SNTG1: variants seen among roughly 807,000 people sequenced by gnomAD.
SNTG1 encodes syntrophin gamma 1, also known as gamma-1-syntrophin.
SNTG1 carries 39 observed loss-of-function variants against 74.7 expected under a neutral mutation model. That is an observed-to-expected ratio of 0.52 (90% confidence interval 0.40 to 0.68). The LOEUF is 0.68. SNTG1 is among the 30% of genes least tolerant of loss of function. SNTG1 has a pLI of 0.00. For missense variants in SNTG1, 685 were observed against 609.5 expected, an observed-to-expected ratio of 1.12 and a Z score of -1.30; for synonymous variants, 254 against 217.1, an observed-to-expected ratio of 1.17 and a Z score of -1.49.
chr8:49,974,564 C>T (rs1812013123), intron 1 of SNTG1, among the ~76,000 whole-genome samples: 1 of 152,130 alleles, frequency 6.6e-6, no homozygotes, highest in South Asian at 2.1e-4. Flanking sequence ...CATAAGAGAG[C>T]CCTGGCCTGG....
At chr8:50,404,892 G>A (rs1024887170) in intron 4 of SNTG1, among the ~76,000 whole-genome samples, 2 of 151,412 alleles carry the variant, frequency 1.3e-5, no homozygotes, top group African/African-American at 4.9e-5. Context: ...TCTTGTAGGT[G>A]GAATCATACA....
chr8:50,541,510 T>C (rs955277702), intron 11 of SNTG1, among the ~76,000 whole-genome samples: 16 of 152,134 alleles, frequency 1.1e-4, no homozygotes, highest in African/African-American at 3.9e-4. Context: ...TATGATACTA[T>C]ATAACCTTAT....
chr8:50,321,385 A>G (rs1479698535), intron 2 of SNTG1, among the ~76,000 whole-genome samples: 1 of 152,074 alleles, frequency 6.6e-6, no homozygotes, highest in Non-Finnish European at 1.5e-5. Flanking sequence ...TGCATGGAAC[A>G]TATTTTTCCA....
chr8:49,928,686 T>C (rs2129353105), intron 1 of SNTG1, among the ~76,000 whole-genome samples: 1 of 152,238 alleles, frequency 6.6e-6, no homozygotes, highest in Middle Eastern at 3.4e-3. Flanking sequence ...CTTTAAAAAA[T>C]AGTATATTTA....
chr8:50,389,762 T>G (rs992561694), intron 2 of SNTG1, among the ~76,000 whole-genome samples: 5 of 152,236 alleles, frequency 3.3e-5, no homozygotes, highest in African/African-American at 1.2e-4. Context: ...CCTGACTTTT[T>G]AATGATCGCC....
chr8:50,451,731 A>G (rs540730185), intron 8 of SNTG1, among the ~76,000 whole-genome samples: 1 of 152,230 alleles, frequency 6.6e-6, no homozygotes, highest in African/African-American at 2.4e-5. Flanking sequence ...AAACTTTTAG[A>G]GAAGCTGAAA....
At chr8:50,397,413 G>A (rs1435592903) in intron 3 of SNTG1, among the ~76,000 whole-genome samples, 2 of 152,166 alleles carry the variant, frequency 1.3e-5, no homozygotes, top group African/African-American at 2.4e-5. Flanking sequence ...GCTGTTTTAG[G>A]TTTGCAGCAC....
chr8:49,952,167 A>T (rs1175122128), intron 1 of SNTG1, among the ~76,000 whole-genome samples: 1 of 152,174 alleles, frequency 6.6e-6, no homozygotes, highest in Non-Finnish European at 1.5e-5. Flanking sequence ...CTTCATTCAC[A>T]TAACTTCCAT....
intron 15 of SNTG1, among the ~76,000 whole-genome samples, chr8:50,684,749 T>TTA (rs1554610799): frequency 2.4e-3 from 356 of 151,366 alleles, no homozygotes; most frequent in African/African-American, 8.1e-3. Context: ...TCTTTTTTTT[T>TTA]ATTATACTTT....
intron 9 of SNTG1, among the ~76,000 whole-genome samples, chr8:50,505,776 T>G (rs2094001206): frequency 6.6e-6 from 1 of 152,154 alleles, no homozygotes; most frequent in Non-Finnish European, 1.5e-5. Flanking sequence ...GACATATGGT[T>G]TGAAAATATT....
intron 1 of SNTG1, among the ~76,000 whole-genome samples, chr8:50,037,390 G>A (rs766713307): frequency 6.6e-5 from 10 of 152,128 alleles, no homozygotes; most frequent in Non-Finnish European, 1.3e-4. Flanking sequence ...AGCTCTGTGA[G>A]ATGGCCAATG....
At chr8:50,349,055 C>G (rs1057030408) in intron 2 of SNTG1, among the ~76,000 whole-genome samples, 6 of 152,168 alleles carry the variant, frequency 3.9e-5, no homozygotes, top group Non-Finnish European at 8.8e-5. Flanking sequence ...GAAGAATCCC[C>G]AACATTAAGA....
intron 2 of SNTG1, among the ~76,000 whole-genome samples, chr8:50,324,639 C>A (rs1009704836): frequency 3.3e-5 from 5 of 152,006 alleles, no homozygotes; most frequent in African/African-American, 1.2e-4. Context: ...AACAACATTC[C>A]CTTGTAGGAT....
At position 50,149,347 on chromosome 8, in the gene SNTG1, T is replaced by C. The variant is rs1170185924; in HGVS notation, c.-102-23214T>C. 4.6e-5 allele frequency among the ~76,000 whole-genome samples: 7 copies of C among 152,206 alleles called. No individual in the cohort carries two copies. In the East Asian group the frequency reaches 1.2e-3, roughly 25 times the overall value. ...TTTCTCCCATTCTGTAGGTTGCCTG[T>C]TCACCCTGATGGCAGTTTCTTTTGC... On this transcript the variant is annotated intron_variant, in intron 1 of 18. Coordinates refer to ENST00000642720, the MANE Select transcript of SNTG1 (RefSeq NM_018967.5).
At chr8:50,700,685 C>G (rs1439418023) in intron 15 of SNTG1, among the ~76,000 whole-genome samples, 1 of 152,086 alleles carries the variant, frequency 6.6e-6, no homozygotes, top group Non-Finnish European at 1.5e-5. Flanking sequence ...AACTTTCCCC[C>G]TCCTACTTTC....
intron 4 of SNTG1, among the ~76,000 whole-genome samples, chr8:50,433,585 T>C (rs965162400): frequency 6.6e-6 from 1 of 152,106 alleles, no homozygotes; most frequent in African/African-American, 2.4e-5. Context: ...ACTTGGATCT[T>C]GGTCAAGTTA....
chr8:50,194,867 C>T (rs946905830), intron 2 of SNTG1, among the ~76,000 whole-genome samples: 2 of 152,016 alleles, frequency 1.3e-5, no homozygotes, highest in African/African-American at 4.8e-5. Flanking sequence ...TAGATTGTGT[C>T]ATTATTGTCA....
At chr8:50,576,124 G>T (rs1033728624) in intron 12 of SNTG1, among the ~76,000 whole-genome samples, 1 of 152,126 alleles carries the variant, frequency 6.6e-6, no homozygotes, top group Non-Finnish European at 1.5e-5. Flanking sequence ...ACAGCTTTAT[G>T]TCTTATGCTC....
At chr8:50,768,307 CCTA>C (rs754716083) in intron 18 of SNTG1, among the ~76,000 whole-genome samples, 2 of 151,854 alleles carry the variant, frequency 1.3e-5, no homozygotes, top group African/African-American at 2.4e-5. Context: ...CCTTAAAGCA[CCTA>C]CCTTAAAGGG....
Sources: allele counts gnomAD v4.1 joint callset (sites outside exome capture counted in the v4.1 genomes callset), GRCh38; gene constraint gnomAD v4.1.1; transcripts MANE v1.5; gene names NCBI Gene and HGNC (gene_info 2026-07-23, HGNC 2026-07-21).